IGSF10: variants seen among roughly 807,000 people sequenced by gnomAD.
IGSF10 encodes the protein calvaria mechanical force protein 608.
IGSF10 carries 126 observed loss-of-function variants against 128.2 expected under a neutral mutation model. The observed-to-expected ratio is 0.98, with a 90% CI of 0.85 to 1.14. The LOEUF is 1.14. Among genes scored for constraint, IGSF10 ranks in the 50% most tolerant of loss-of-function variants. The pLI is 0.00. For missense variants in IGSF10, 3,295 were observed against 3,149.8 expected (o/e 1.05, Z -1.10); for synonymous variants, 1,185 against 1,146.2 (o/e 1.03, Z -0.68).
Position 151,442,988 on chromosome 3 carries a change from G to A in IGSF10, c.5959C>T (p.His1987Tyr). The change falls in exon 7 of 8, where the codon CAT becomes TAT. Residue 1987 changes from histidine to tyrosine, a missense_variant. By Grantham distance (83) the His-to-Tyr change is moderately conservative. Coordinates refer to ENST00000282466, the MANE Select transcript of IGSF10 (RefSeq NM_178822.5). The part of the protein sequence containing the change: ...LPSKAVVDQQ[H>Y]RVGSWIHVYP... ...AACCCAAAGGTATAGACTTACCTAT[G>A]CTGCTGGTCGACCACAGCCTTGGAT... 1 of 1,613,082 alleles carries A rather than the reference G, an allele frequency of 6.2e-7. No individual in the cohort carries two copies. Among genetic ancestry groups the A allele is most frequent in the Non-Finnish European group, 8.5e-7 (1 of 1,179,400 alleles).
upstream of IGSF10, chr3:151,461,226 T>C (rs1347263568): frequency 7.1e-6 from 7 of 985,208 alleles, no homozygotes; most frequent in East Asian, 7.9e-4. Context: ...CCCAGGGCTT[T>C]CTCCTAGCAA....
At position 151,446,930 on chromosome 3, in the gene IGSF10, G is replaced by A. The variant is rs375820554; in HGVS notation, c.3051C>T (p.Gly1017=). The change falls in exon 6 of 8, where the codon GGC becomes GGT. Residue 1017 remains glycine (G), a synonymous_variant. Coordinates refer to ENST00000282466, the MANE Select transcript of IGSF10 (RefSeq NM_178822.5). ...ATGGGCTGATAATCCGCCCCCTTCCGCCAATTTTCCTCTGCCTCCCAAAGC... is the reference window on the plus strand; with the variant it reads ...ATGGGCTGATAATCCGCCCCCTTCCACCAATTTTCCTCTGCCTCCCAAAGC... The part of the protein sequence containing the change: ...FRRFGRQRKI[G]GRGRIISPYR... 4.3e-5 allele frequency: 69 copies of A among 1,613,996 alleles called. No homozygotes were observed. Among genetic ancestry groups the A allele is most frequent in the East Asian group, 2.7e-4 (12 of 44,904 alleles).
Position 151,437,987 on chromosome 3 carries a change from A to C in IGSF10, c.6574T>G (p.Phe2192Val). 1 of 1,614,198 alleles carries C rather than the reference A, an allele frequency of 6.2e-7. No individual in the cohort carries two copies. ...MISFSIDRYTFHANGSLTINK... is the reference protein window; with the variant it reads ...MISFSIDRYTVHANGSLTINK... ...ATGGTCAAAGACCCATTGGCATGAA[A>C]TGTGTACCTATCAATGGAGAAGGAA... is the stretch of plus-strand genomic sequence containing the variant. Residue 2192 changes from phenylalanine (F) to valine (V), a missense_variant, in exon 8 of 8, where the codon TTT (phenylalanine) becomes GTT (valine). Physicochemically the swap from Phe to Val is conservative, Grantham distance 50 (BLOSUM62 -1). Coordinates refer to ENST00000282466, the MANE Select transcript of IGSF10 (RefSeq NM_178822.5).
chr3:151,555,430 A>G, the IGSF10 span, among the ~76,000 whole-genome samples: 1 of 152,090 alleles, frequency 6.6e-6, no homozygotes, highest in African/African-American at 2.4e-5. Context: ...TAGTTGAGTC[A>G]GTTAAAAATT....
At chr3:151,496,621 T>C in the IGSF10 span, among the ~76,000 whole-genome samples, 3 of 136,088 alleles carry the variant, frequency 2.2e-5, no homozygotes, top group African/African-American at 5.6e-5. Context: ...CTATTGTGAA[T>C]AGTGCCACAA....
the IGSF10 span, among the ~76,000 whole-genome samples, chr3:151,495,532 GA>G: frequency 5.3e-5 from 8 of 151,800 alleles, no homozygotes; most frequent in African/African-American, 1.9e-4. Context: ...GAGATAAAGT[GA>G]AAAAAATTAA....
the IGSF10 span, among the ~76,000 whole-genome samples, chr3:151,552,688 C>T: frequency 2.0e-5 from 3 of 152,130 alleles, no homozygotes; most frequent in East Asian, 3.9e-4. Flanking sequence ...TCTCTTATCT[C>T]CTCAGGGGGT....
intron 7 of IGSF10, among the ~76,000 whole-genome samples, chr3:151,442,119 A>G (rs766668183): frequency 1.3e-5 from 2 of 152,166 alleles, no homozygotes; most frequent in Non-Finnish European, 2.9e-5. Context: ...ATTTGTATAT[A>G]TGTGTCTCAT....
the IGSF10 span, among the ~76,000 whole-genome samples, chr3:151,525,001 CCTTTTTTTTTTTTT>C: frequency 1.9e-5 from 2 of 106,850 alleles, no homozygotes; most frequent in African/African-American, 3.4e-5. Flanking sequence ...ATGCATTACA[CCTTTTTTTTTTTTT>C]TTTTTTTTTT....
chr3:151,609,974 C>G, the IGSF10 span, among the ~76,000 whole-genome samples: 1 of 151,990 alleles, frequency 6.6e-6, no homozygotes. Flanking sequence ...TACATGTACC[C>G]CCTTGAATCT....
the IGSF10 span, among the ~76,000 whole-genome samples, chr3:151,482,523 A>T: frequency 4.7e-4 from 72 of 152,336 alleles, no homozygotes; most frequent in African/African-American, 1.7e-3. Flanking sequence ...GGGCAAAAAA[A>T]TAAAGGAATA....
At chr3:151,557,839 T>C in the IGSF10 span, among the ~76,000 whole-genome samples, 1 of 150,304 alleles carries the variant, frequency 6.7e-6, no homozygotes, top group African/African-American at 2.5e-5. Context: ...ACATTTCCCC[T>C]AAGTTTAATG....
chr3:151,541,607 A>C, the IGSF10 span, among the ~76,000 whole-genome samples: 7 of 152,194 alleles, frequency 4.6e-5, no homozygotes, highest in African/African-American at 1.7e-4. Context: ...TTTTTGATAA[A>C]TTGGCTTCTC....
At chr3:151,619,498 G>A in the IGSF10 span, among the ~76,000 whole-genome samples, 1 of 149,598 alleles carries the variant, frequency 6.7e-6, no homozygotes, top group Admixed American at 6.7e-5. Context: ...CAAATTTGTG[G>A]TAATAGACCA....
the IGSF10 span, among the ~76,000 whole-genome samples, chr3:151,530,407 AATC>A: frequency 6.6e-6 from 1 of 152,142 alleles, no homozygotes; most frequent in Admixed American, 6.6e-5. Flanking sequence ...CAAGACACAT[AATC>A]ATCAGATTCA....
rs1462835096 is a variant in IGSF10, at chr3:151,445,953, G to T, written c.4028C>A (p.Thr1343Lys). The change falls in exon 6 of 8, where the codon ACA (threonine) becomes AAA (lysine). Residue 1343 changes from threonine to lysine, a missense_variant. Thr to Lys is a moderately conservative substitution (Grantham distance 78, BLOSUM62 -1). Coordinates refer to ENST00000282466, the MANE Select transcript of IGSF10 (RefSeq NM_178822.5). ...TTGAGGCTCCTGTTCTCTTTGTATT[G>T]TTTGTGCTCTAGATCTCTCTGTTTG... is the stretch of plus-strand genomic sequence containing the variant. ...ETQTERSRAQ[T>K]IQREQEPQKK... The T allele has an allele frequency of 6.2e-7, 1 of 1,614,130 alleles. No individual in the cohort carries two copies. Among genetic ancestry groups the T allele is most frequent in the Admixed American group, 1.7e-5 (1 of 60,012 alleles).
At chr3:151,545,543 A>G in the IGSF10 span, among the ~76,000 whole-genome samples, 260 of 152,276 alleles carry the variant, frequency 1.7e-3, no homozygotes, top group Middle Eastern at 6.8e-3. Flanking sequence ...GGTACTTTTG[A>G]CCATCAAGTC....
chr3:151,604,553 G>A, the IGSF10 span, among the ~76,000 whole-genome samples: 4 of 147,168 alleles, frequency 2.7e-5, no homozygotes, highest in South Asian at 2.2e-4. Context: ...GTACATGTTG[G>A]GAGATATATT....
At chr3:151,566,629 T>A in the IGSF10 span, among the ~76,000 whole-genome samples, 1 of 152,274 alleles carries the variant, frequency 6.6e-6, no homozygotes, top group Non-Finnish European at 1.5e-5. Context: ...GCATACATTG[T>A]TTGTGCTTTC....
Sources: gnomAD v4.1 joint callset for allele counts (sites outside exome capture counted in the v4.1 genomes callset) on GRCh38, gnomAD v4.1.1 for gene constraint, MANE v1.5 for transcripts, NCBI Gene and HGNC (gene_info 2026-07-23, HGNC 2026-07-21) for gene names.